The following TDRD12 variants were observed in gnomAD, a reference collection of about 807,000 sequenced individuals.
TDRD12 encodes putative ATP-dependent RNA helicase TDRD12.
TDRD12 carries 158 observed loss-of-function variants against 133.5 expected under a neutral mutation model. The observed-to-expected ratio is 1.18, with a 90% CI of 1.04 to 1.35. TDRD12 has a LOEUF of 1.35. Among genes scored for constraint, TDRD12 ranks in the 40% most tolerant of loss-of-function variants. The pLI is 0.00. For synonymous variants in TDRD12, 460 were observed against 477.9 expected (o/e 0.96, Z 0.49); for missense variants, 1,443 against 1,321.3 (o/e 1.09, Z -1.43).
intron 3 of TDRD12, among the ~76,000 whole-genome samples, chr19:32,741,930 A>G (rs1258695043): frequency 6.6e-6 from 1 of 152,212 alleles, no homozygotes; most frequent in East Asian, 1.9e-4. Flanking sequence ...TTGCCAAAGA[A>G]GAATGGAAAT....
intron 5 of TDRD12, 46 bp downstream of exon 5, chr19:32,748,577 A>C (rs748002580): frequency 1.8e-4 from 275 of 1,525,892 alleles, no homozygotes; most frequent in Non-Finnish European, 2.4e-4. Flanking sequence ...AGTGACACCC[A>C]CAGAGGCCTC....
chr19:32,768,003 A>G (rs1398508122), intron 8 of TDRD12, among the ~76,000 whole-genome samples: 1 of 152,244 alleles, frequency 6.6e-6, no homozygotes, highest in African/African-American at 2.4e-5. Context: ...AAATTATATG[A>G]AATTGAAATC....
At chr19:32,729,220 TG>T (rs1318173546) in intron 1 of TDRD12, among the ~76,000 whole-genome samples, 7 of 146,740 alleles carry the variant, frequency 4.8e-5, no homozygotes, top group South Asian at 2.1e-4. Flanking sequence ...TTTTTTTTTT[TG>T]TTTTTTTTTT....
intron 7 of TDRD12, 113 bp from the exon 8 acceptor site, chr19:32,756,925 T>C: frequency 1.2e-6 from 1 of 854,356 alleles, no homozygotes; most frequent in Non-Finnish European, 1.9e-6. Flanking sequence ...CCTAGTCAGG[T>C]TTCCTGTAAC....
chr19:32,824,905 G>A (rs888661292), downstream of TDRD12, among the ~76,000 whole-genome samples: 2 of 152,184 alleles, frequency 1.3e-5, no homozygotes, highest in Admixed American at 6.5e-5. Flanking sequence ...GACTCCCTCA[G>A]TCCCTTTTTG....
rs1442740651 is a variant in TDRD12 at position 32,742,786 on chromosome 19, G to A, written c.326G>A (p.Arg109Gln). 15 of 1,551,006 alleles carry A rather than the reference G, an allele frequency of 9.7e-6. No individual in the cohort carries two copies. The highest frequency in any genetic ancestry group is 1.4e-5 in the African/African-American group (1 of 72,960). Residue 109 changes from arginine to glutamine, a missense_variant, in exon 4 of 28, where the codon CGA (arginine) becomes CAA (glutamine). Coordinates refer to ENST00000444215, the Ensembl canonical transcript of TDRD12. ...GTTTCTGTTTTACTTTTTAGCATCCGAGTTGTAGTAGAATCGTTTATGCAG... is the reference window on the plus strand; with the variant it reads ...GTTTCTGTTTTACTTTTTAGCATCCAAGTTGTAGTAGAATCGTTTATGCAG...
chr19:32,822,102 C>T (rs1327127298), downstream of TDRD12, among the ~76,000 whole-genome samples: 2 of 152,032 alleles, frequency 1.3e-5, no homozygotes, highest in Non-Finnish European at 2.9e-5. Flanking sequence ...GCCTGGATGA[C>T]AGATTGAGAC....
downstream of TDRD12, among the ~76,000 whole-genome samples, chr19:32,825,542 C>T (rs986655839): frequency 2.0e-5 from 3 of 152,162 alleles, no homozygotes; most frequent in Admixed American, 6.5e-5. This position sits in a 1 kb window ranked among gnomAD's most constrained non-coding sequence, Gnocchi z 4.1. Flanking sequence ...ACTTCACTTC[C>T]TGGTCATTGA....
intron 10 of TDRD12, among the ~76,000 whole-genome samples, chr19:32,773,984 T>C (rs1481097873): frequency 6.6e-6 from 1 of 152,188 alleles, no homozygotes; most frequent in Non-Finnish European, 1.5e-5. Context: ...GTGGTCCTGA[T>C]GAGAGGGATG....
chr19:32,769,869 C>A (rs1040933922), intron 8 of TDRD12, among the ~76,000 whole-genome samples: 1 of 152,280 alleles, frequency 6.6e-6, no homozygotes, highest in South Asian at 2.1e-4. Flanking sequence ...CTCCCGACCT[C>A]AGGTGATCCA....
exon 15 of TDRD12, chr19:32,797,814 C>T (rs1161289989): frequency 2.8e-6 from 2 of 702,628 alleles, no homozygotes; most frequent in Admixed American, 4.0e-5. Context: ...AGCATGTCCT[C>T]CAGGCCTCTT....
In TDRD12 at chr19:32,724,310, G is replaced by C. The variant is rs140683734; in HGVS notation, c.24+4214G>C. ...TAGACATGTGCCATGTTGGTTTGCT[G>C]CAACTATTAACCCATCATCTAGTTA... On this transcript the variant is annotated intron_variant, in intron 1 of 27. Coordinates refer to ENST00000444215, the Ensembl canonical transcript of TDRD12. Among the ~76,000 whole-genome samples the C allele has an allele frequency of 1.9e-3, 285 of 152,202 alleles. 1 individual carries two copies. The highest frequency in any genetic ancestry group is 6.4e-3 in the African/African-American group (264 of 41,516).
At chr19:32,751,542 TCTC>T (rs1465027148) in intron 6 of TDRD12, among the ~76,000 whole-genome samples, 3 of 151,796 alleles carry the variant, frequency 2.0e-5, no homozygotes, top group Non-Finnish European at 4.4e-5. Context: ...ATTTTTCTCC[TCTC>T]CTCTCCTCTC....
At position 32,813,777 on chromosome 19, in the gene TDRD12, G is replaced by T; in HGVS notation, c.3141+1G>T. On this transcript the variant is annotated splice_donor_variant, in intron 25 of 27. Transcript: ENST00000444215. LOFTEE classifies it high-confidence loss of function. Reference sequence around the variant, plus strand: ...AAATACAGTTTGGATTGATCCAATGGTAAGTACGCATTTTTTCTTAGAAAT... The same window carrying T: ...AAATACAGTTTGGATTGATCCAATGTTAAGTACGCATTTTTTCTTAGAAAT... 6.6e-7 allele frequency: 1 copy of T among 1,511,042 alleles called. No homozygotes were observed. The highest frequency in any genetic ancestry group is 8.9e-7 in the Non-Finnish European group (1 of 1,128,194). 93.6% of individuals were successfully genotyped at this position (1,511,042 alleles called of 1,614,324 possible). A position where few individuals can be genotyped will look rare whatever the true frequency, so the allele number is the denominator to read the frequency against.
intron 21 of TDRD12, among the ~76,000 whole-genome samples, chr19:32,804,155 C>T (rs543213437): frequency 1.3e-3 from 197 of 151,986 alleles, no homozygotes; most frequent in African/African-American, 4.3e-3. Flanking sequence ...TCACTGCAAG[C>T]TCCACCTCCC....
chr19:32,810,171 C>G (rs1213215842), exon 23 of TDRD12: 2 of 1,535,628 alleles, frequency 1.3e-6, no homozygotes, highest in South Asian at 1.2e-5. Context: ...TTATGCAACT[C>G]TCAATGCTGA....
intron 17 of TDRD12, 54 bp downstream of exon 17, chr19:32,800,412 TGGG>T (rs1051728447): frequency 3.0e-6 from 4 of 1,329,534 alleles, no homozygotes; most frequent in Non-Finnish European, 4.0e-6. Context: ...TATGTGTTGG[TGGG>T]GGGCTGATGA....
chr19:32,788,265 C>T (rs1970968187), intron 11 of TDRD12, among the ~76,000 whole-genome samples: 1 of 151,940 alleles, frequency 6.6e-6, no homozygotes, highest in Admixed American at 6.6e-5. Context: ...GTGCCTGCCA[C>T]CACACCTGAC....
chr19:32,777,362 T>G (rs1233430916), intron 11 of TDRD12, 133 bp downstream of exon 11: 1 of 585,716 alleles, frequency 1.7e-6, no homozygotes, highest in Non-Finnish European at 2.7e-6. Flanking sequence ...ACAGTATATC[T>G]CCTGTAGGGT....
Sources: allele counts gnomAD v4.1 joint callset (sites outside exome capture counted in the v4.1 genomes callset), GRCh38; gene constraint gnomAD v4.1.1; non-coding constraint Gnocchi (gnomAD v3.1); transcripts MANE v1.5; gene names NCBI Gene and HGNC (gene_info 2026-07-23, HGNC 2026-07-21).